PLD5: variants seen among roughly 807,000 people sequenced by gnomAD.
PLD5 encodes the protein inactive phospholipase D5.
A neutral mutation model predicts 61.1 loss-of-function variants in PLD5; 36 were observed. The ratio of observed to expected loss-of-function variants is 0.59; its 90% CI spans 0.45 to 0.78. The LOEUF is 0.78. PLD5 is among the 30% of genes least tolerant of loss of function. PLD5 has a pLI of 0.00. For synonymous variants in PLD5, 243 were observed against 242.8 expected (o/e 1.00, Z -0.01); for missense variants, 515 against 644.4 (o/e 0.80, Z 2.17).
At chr1:242,312,054 T>C (rs1484277580) in intron 2 of PLD5, among the ~76,000 whole-genome samples, 1 of 151,956 alleles carries the variant, frequency 6.6e-6, no homozygotes, top group Non-Finnish European at 1.5e-5. Context: ...GAATTTCTAT[T>C]TGACTTTTAT....
chr1:242,132,332 A>C (rs1023293232), intron 5 of PLD5, among the ~76,000 whole-genome samples: 1 of 151,698 alleles, frequency 6.6e-6, no homozygotes, highest in African/African-American at 2.4e-5. Flanking sequence ...GAATGGAGAG[A>C]GGAGAGACAT....
chr1:242,395,026 T>TATATATGAATATATGAATATATATGA (rs1663454976), intron 1 of PLD5, among the ~76,000 whole-genome samples: 1 of 53,484 alleles, frequency 1.9e-5, no homozygotes, highest in East Asian at 3.9e-4. Flanking sequence ...AATATATATG[T>TATATATGAATATATGAATATATATGA]ATATATGAAT....
chr1:242,192,358 A>G (rs1163230016), intron 5 of PLD5: 2 of 152,310 alleles, frequency 1.3e-5, no homozygotes, highest in Admixed American at 6.6e-5. Context: ...CATGCTGGCG[A>G]GAGTCTCCTT....
At chr1:242,319,131 T>C (rs933022505) in intron 2 of PLD5, among the ~76,000 whole-genome samples, 2 of 152,140 alleles carry the variant, frequency 1.3e-5, no homozygotes, top group African/African-American at 2.4e-5. Flanking sequence ...TTAAATATCA[T>C]GGACCAGCAA....
rs918438164 is a variant in PLD5, at chr1:242,434,469, T to C, written c.190-86227A>G. Among the ~76,000 whole-genome samples the C allele has an allele frequency of 4.6e-5, 7 of 152,184 alleles. 1 individual carries two copies. The South Asian group carries it at 1.5e-3, about 32-fold the overall frequency. ...CCAACTGGAAATGCCAAGGAGGCTA[T>C]AGATACAGGAGTCAGGAAGCAATGA... On this transcript the variant is annotated intron_variant, in intron 1 of 9. Transcript: ENST00000536534.
intron 1 of PLD5, among the ~76,000 whole-genome samples, chr1:242,394,312 G>A (rs868503925): frequency 5.0e-5 from 4 of 79,454 alleles, no homozygotes; most frequent in East Asian, 6.6e-4. Flanking sequence ...GAGTATATAT[G>A]TGTGTATATA....
chr1:242,245,286 C>G (rs1043832248), intron 4 of PLD5, among the ~76,000 whole-genome samples: 1 of 152,216 alleles, frequency 6.6e-6, no homozygotes, highest in African/African-American at 2.4e-5. Context: ...CAAACTGAAG[C>G]ATGAACAATC....
At chr1:242,111,233 T>C (rs1037521935) in intron 7 of PLD5, among the ~76,000 whole-genome samples, 3 of 152,066 alleles carry the variant, frequency 2.0e-5, no homozygotes, top group Admixed American at 6.6e-5. Context: ...ATTTTTGTAC[T>C]TTTAGTAGAG....
At chr1:242,118,443 T>C (rs1662116131) in intron 6 of PLD5, among the ~76,000 whole-genome samples, 1 of 152,240 alleles carries the variant, frequency 6.6e-6, no homozygotes, top group South Asian at 2.1e-4. Flanking sequence ...CTAGCGCATG[T>C]TACATGGCAT....
intron 2 of PLD5, among the ~76,000 whole-genome samples, chr1:242,318,417 G>A (rs1480983500): frequency 6.6e-6 from 1 of 152,128 alleles, no homozygotes. Flanking sequence ...ACCAGAACCT[G>A]GACACTCTTG....
intron 2 of PLD5, among the ~76,000 whole-genome samples, chr1:242,325,757 C>T (rs917601069): frequency 1.3e-5 from 2 of 151,640 alleles, no homozygotes; most frequent in Non-Finnish European, 2.9e-5. Context: ...AGGCAGAAGA[C>T]ATCCACAGAC....
chr1:242,383,306 C>T (rs1220457557), intron 1 of PLD5, among the ~76,000 whole-genome samples: 2 of 152,076 alleles, frequency 1.3e-5, no homozygotes, highest in African/African-American at 4.8e-5. Flanking sequence ...GTAACGATGA[C>T]ATCTCAAATT....
At chr1:242,092,845 C>T (rs1659940693) in intron 9 of PLD5, among the ~76,000 whole-genome samples, 1 of 152,164 alleles carries the variant, frequency 6.6e-6, no homozygotes, top group African/African-American at 2.4e-5. Context: ...TTCCATTTGG[C>T]ACCCCTGAGA....
intron 5 of PLD5, among the ~76,000 whole-genome samples, chr1:242,171,475 T>C (rs1666741302): frequency 6.6e-6 from 1 of 152,122 alleles, no homozygotes; most frequent in African/African-American, 2.4e-5. Context: ...AGGAAGAAAC[T>C]GCATCTACTA....
intron 1 of PLD5, among the ~76,000 whole-genome samples, chr1:242,381,899 G>A (rs1173672638): frequency 2.0e-5 from 3 of 152,112 alleles, no homozygotes; most frequent in African/African-American, 7.2e-5. Context: ...TGAGAAGGAC[G>A]AGAGTAGAAT....
upstream of PLD5, among the ~76,000 whole-genome samples, chr1:242,527,387 C>CG (rs1219690580): frequency 6.6e-6 from 1 of 152,098 alleles, no homozygotes; most frequent in African/African-American, 2.4e-5. Context: ...CTGCCCGCCT[C>CG]GGCCTCCCAA....
At chr1:242,348,295 G>A in intron 1 of PLD5, 53 bp from the exon 2 acceptor site, 2 of 1,537,584 alleles carry the variant, frequency 1.3e-6, no homozygotes, top group Non-Finnish European at 8.7e-7. Flanking sequence ...TTTCTCTTGG[G>A]AAACTCAAGA....
intron 2 of PLD5, among the ~76,000 whole-genome samples, chr1:242,294,193 C>T (rs1021431662): frequency 6.6e-6 from 1 of 152,162 alleles, no homozygotes; most frequent in African/African-American, 2.4e-5. Flanking sequence ...TGCAATACAA[C>T]AAAAATATTT....
chr1:242,294,552 A>T (rs891515072), intron 2 of PLD5, among the ~76,000 whole-genome samples: 1 of 152,178 alleles, frequency 6.6e-6, no homozygotes, highest in Non-Finnish European at 1.5e-5. Flanking sequence ...TGATTTTGGC[A>T]TTATTGTAGA....
Sources: gnomAD v4.1 joint callset for allele counts (sites outside exome capture counted in the v4.1 genomes callset) on GRCh38, gnomAD v4.1.1 for gene constraint, MANE v1.5 for transcripts, NCBI Gene and HGNC (gene_info 2026-07-23, HGNC 2026-07-21) for gene names.